Variants in ZSCAN22 observed in about 807,000 individuals in gnomAD.
The protein encoded by ZSCAN22 is zinc finger and SCAN domain-containing protein 22.
Under a neutral mutation model 12.4 loss-of-function variants are expected in ZSCAN22, and 7 were observed. The ratio of observed to expected loss-of-function variants is 0.57; its 90% CI spans 0.32 to 1.06. The LOEUF (loss-of-function observed/expected upper bound fraction) is 1.06, where lower values mean the gene tolerates loss of function less well. Ranked by LOEUF, ZSCAN22 falls within the 50% of genes least tolerant of loss-of-function variation. The pLI, the probability that ZSCAN22 is intolerant of heterozygous loss-of-function variation, is 0.04. For missense variants in ZSCAN22, 576 were observed against 631.7 expected, an observed-to-expected ratio of 0.91 and a Z score of 0.94; for synonymous variants, 243 against 255.9, an observed-to-expected ratio of 0.95 and a Z score of 0.48.
At position 58,338,357 on chromosome 19, in the gene ZSCAN22, C is replaced by T. The variant is rs1353794316; in HGVS notation, c.507C>T (p.Ser169=). 1.9e-6 allele frequency: 3 copies of T among 1,614,116 alleles called. No homozygotes were observed. The highest frequency in any genetic ancestry group is 2.5e-6 in the Non-Finnish European group (3 of 1,180,020). The change falls in exon 3 of 3, where the codon TCC becomes TCT. Residue 169 remains serine (S), a synonymous_variant. Coordinates refer to ENST00000329665, the MANE Select transcript of ZSCAN22 (RefSeq NM_181846.3). The surrounding 1 kb of genome is among the most constrained non-coding windows in gnomAD (Gnocchi z 5.4). ...NVTETLMGGV[S]LGPAFVKACE... ...CTGAGACCCTCATGGGAGGTGTTTCCCTTGGACCCGCCTTTGTCAAGGCAT... is the reference window on the plus strand; with the variant it reads ...CTGAGACCCTCATGGGAGGTGTTTCTCTTGGACCCGCCTTTGTCAAGGCAT...
chr19:58,337,875 C>T (rs1453161056), intron 2 of ZSCAN22, among the ~76,000 whole-genome samples: 1 of 152,258 alleles, frequency 6.6e-6, no homozygotes, highest in African/African-American at 2.4e-5. Context: ...TGCAACCCCA[C>T]AGAGATCAGA....
chr19:58,341,562 G>C lies in ZSCAN22; in HGVS notation c.*2236G>C, dbSNP rs1367092231. 4 of 152,344 alleles carry C rather than the reference G, an allele frequency of 2.6e-5. No homozygotes were observed. The East Asian group carries it at 7.7e-4, about 29-fold the overall frequency. The allele number at this position is 152,344 out of a possible 1,614,324, so 9.4% of individuals were successfully genotyped here. On this transcript the variant is annotated 3_prime_UTR_variant, in exon 3 of 3. Transcript: ENST00000329665. ...AAGAGTAAATAGAGGCACAGAGACTGATGAGAAACGTTCATAACATGAAGG... is the reference window on the plus strand; with the variant it reads ...AAGAGTAAATAGAGGCACAGAGACTCATGAGAAACGTTCATAACATGAAGG...
At position 58,331,864 on chromosome 19, in the gene ZSCAN22, C is replaced by T. The variant is rs1227619268; in HGVS notation, c.-51-2888C>T. Among the ~76,000 whole-genome samples, 3 of 149,826 alleles carry T rather than the reference C, an allele frequency of 2.0e-5. No individual in the cohort carries two copies. The East Asian group carries it at 5.9e-4, about 30-fold the overall frequency. On this transcript the variant is annotated intron_variant, in intron 1 of 2. Transcript: ENST00000329665. ...CTGGCCAACATTATTTTTTTAAAAG[C>T]TGTATTTTTATTTTATTTTATTTTT...
At chr19:58,333,178 C>T (rs1025137129) in intron 1 of ZSCAN22, among the ~76,000 whole-genome samples, 2 of 152,182 alleles carry the variant, frequency 1.3e-5, no homozygotes, top group African/African-American at 4.8e-5. Context: ...AGATACAGGT[C>T]CCTTATCAAA....
In ZSCAN22 at chr19:58,335,203, G is replaced by C; in HGVS notation, c.401G>C (p.Arg134Thr). The C allele has an allele frequency of 6.3e-7, 1 of 1,586,822 alleles. No individual in the cohort carries two copies. The highest frequency in any genetic ancestry group is 8.6e-7 in the Non-Finnish European group (1 of 1,165,328). ...VEDLTQVLDK[R>T]GWDPGAEPTE... ...GATCTGACTCAGGTGCTGGACAAGAGAGGTAAAGGGGCGCCGTGGGCAGCT... is the reference window on the plus strand; with the variant it reads ...GATCTGACTCAGGTGCTGGACAAGACAGGTAAAGGGGCGCCGTGGGCAGCT... The change falls in exon 2 of 3, where the codon AGA becomes ACA. Residue 134 changes from arginine to threonine, a missense_variant and splice_region_variant. Transcript: ENST00000329665. The surrounding 1 kb of genome is among the most constrained non-coding windows in gnomAD (Gnocchi z 4.1).
intron 1 of ZSCAN22, among the ~76,000 whole-genome samples, chr19:58,330,519 C>T (rs951983396): frequency 1.3e-5 from 2 of 152,222 alleles, no homozygotes; most frequent in African/African-American, 4.8e-5. Context: ...CCCTGACCAG[C>T]ATTCAGTGCT....
At position 58,335,327 on chromosome 19, in the gene ZSCAN22, G is replaced by A. The variant is rs544375247; in HGVS notation, c.403+122G>A. 3.9e-5 allele frequency: 50 copies of A among 1,283,196 alleles called. No homozygotes were observed. The South Asian group carries it at 4.2e-4, about 11-fold the overall frequency. The allele number at this position is 1,283,196 out of a possible 1,614,324, so 79.5% of individuals were successfully genotyped here. A position where few individuals can be genotyped will look rare whatever the true frequency, so the allele number is the denominator to read the frequency against. On this transcript the variant is annotated intron_variant, in intron 2 of 2. Coordinates refer to ENST00000329665, the MANE Select transcript of ZSCAN22 (RefSeq NM_181846.3). The surrounding 1 kb of genome is among the most constrained non-coding windows in gnomAD (Gnocchi z 4.1). ...CCCATTCTCACATTTGTACTTTACC[G>A]TAACTCTCACACACTGTTGTAGACA... is the stretch of plus-strand genomic sequence containing the variant.
chr19:58,338,049 C>A lies in ZSCAN22; in HGVS notation c.404-205C>A, dbSNP rs1009335475. 3.3e-5 allele frequency among the ~76,000 whole-genome samples: 5 copies of A among 152,220 alleles called. No individual in the cohort carries two copies. Among genetic ancestry groups the A allele is most frequent in the African/African-American group, 9.6e-5 (4 of 41,464 alleles). ...GGTGGGAGGAGGAGAAATCAGAACC[C>A]ATGGTGTAGTTTTGGATGGTGTGGG... is the stretch of plus-strand genomic sequence containing the variant. On this transcript the variant is annotated intron_variant, in intron 2 of 2. Transcript: ENST00000329665. The surrounding 1 kb of genome is among the most constrained non-coding windows in gnomAD (Gnocchi z 5.4).
In ZSCAN22 at chr19:58,334,775, C is replaced by A; in HGVS notation, c.-28C>A. The A allele has an allele frequency of 6.4e-7, 1 of 1,560,512 alleles. No individual in the cohort carries two copies. Among genetic ancestry groups the A allele is most frequent in the Non-Finnish European group, 8.7e-7 (1 of 1,150,558 alleles). Reference sequence around the variant, plus strand: ...AGGCCCAGTTCCAAGGCTCCGGCATCCTGTGTCTCACTGAGCACTGCTGCC... The same window carrying A: ...AGGCCCAGTTCCAAGGCTCCGGCATACTGTGTCTCACTGAGCACTGCTGCC... On this transcript the variant is annotated 5_prime_UTR_variant, in exon 2 of 3. Transcript: ENST00000329665.
In ZSCAN22 at chr19:58,338,714, G is replaced by C; in HGVS notation, c.864G>C (p.Lys288Asn). 1 of 1,614,226 alleles carries C rather than the reference G, an allele frequency of 6.2e-7. No homozygotes were observed. The highest frequency in any genetic ancestry group is 8.5e-7 in the Non-Finnish European group (1 of 1,180,052). The change falls in exon 3 of 3, where the codon AAG (lysine) becomes AAC (asparagine). Residue 288 changes from lysine to asparagine, a missense_variant. Coordinates refer to ENST00000329665, the MANE Select transcript of ZSCAN22 (RefSeq NM_181846.3). This position sits in a 1 kb window ranked among gnomAD's most constrained non-coding sequence, Gnocchi z 5.4. ...CTTCGGCGCTCGAGGCACACCAGAA[G>C]ACCCATTCTCGGAAGACCCCATATG... ...QSASALEAHQ[K>N]THSRKTPYAC...
Position 58,335,353 on chromosome 19 carries a change from GGT to G in ZSCAN22, c.403+153_403+154del. 1 of 1,144,626 alleles carries G rather than the reference GGT, an allele frequency of 8.7e-7. No individual in the cohort carries two copies. The highest frequency in any genetic ancestry group is 1.2e-6 in the Non-Finnish European group (1 of 842,370). The allele number at this position is 1,144,626 out of a possible 1,614,324, so 70.9% of individuals were successfully genotyped here. Reference sequence around the variant, plus strand: ...TAACTCTCACACACTGTTGTAGACAGGTGTGTTTTGGTTGCAGGTGACCAAAA... The same window carrying G: ...TAACTCTCACACACTGTTGTAGACAGGTGTTTTGGTTGCAGGTGACCAAAA... On this transcript the variant is annotated intron_variant, in intron 2 of 2. Coordinates refer to ENST00000329665, the MANE Select transcript of ZSCAN22 (RefSeq NM_181846.3). The surrounding 1 kb of genome is among the most constrained non-coding windows in gnomAD (Gnocchi z 4.1).
At chr19:58,337,147 T>C (rs552180215) in intron 2 of ZSCAN22, among the ~76,000 whole-genome samples, 5 of 152,340 alleles carry the variant, frequency 3.3e-5, no homozygotes, top group African/African-American at 1.2e-4. Flanking sequence ...AGAGGCCAGA[T>C]GGGTACCTCA....
chr19:58,328,781 C>A (rs1392864546), intron 1 of ZSCAN22, among the ~76,000 whole-genome samples: 1 of 152,178 alleles, frequency 6.6e-6, no homozygotes, highest in Non-Finnish European at 1.5e-5. Context: ...CTATTGTCAT[C>A]CCTGCCACCC....
rs994555299 is a variant in ZSCAN22 at position 58,329,672 on chromosome 19, T to C, written c.-52+2558T>C. Among the ~76,000 whole-genome samples, 2 of 152,252 alleles carry C rather than the reference T, an allele frequency of 1.3e-5. No individual in the cohort carries two copies. The highest frequency in any genetic ancestry group is 4.8e-5 in the African/African-American group (2 of 41,458). ...GAGAGAAAGACCACATTAATATAGC[T>C]TTTATTACAGTGTATTGTTATAATT... On this transcript the variant is annotated intron_variant, in intron 1 of 2. Coordinates refer to ENST00000329665, the MANE Select transcript of ZSCAN22 (RefSeq NM_181846.3). This position sits in a 1 kb window ranked among gnomAD's most constrained non-coding sequence, Gnocchi z 4.1.
chr19:58,335,336 A>C lies in ZSCAN22; in HGVS notation c.403+131A>C. 1.6e-4 allele frequency: 204 copies of C among 1,237,992 alleles called. No individual in the cohort carries two copies. The highest frequency in any genetic ancestry group is 2.1e-4 in the Middle Eastern group (1 of 4,790). The allele number at this position is 1,237,992 out of a possible 1,614,324, so 76.7% of individuals were successfully genotyped here. ...ACATTTGTACTTTACCGTAACTCTC[A>C]CACACTGTTGTAGACAGGTGTGTTT... On this transcript the variant is annotated intron_variant, in intron 2 of 2. Transcript: ENST00000329665. This position sits in a 1 kb window ranked among gnomAD's most constrained non-coding sequence, Gnocchi z 4.1.
chr19:58,334,340 A>G (rs1195915727), intron 1 of ZSCAN22, among the ~76,000 whole-genome samples: 1 of 152,150 alleles, frequency 6.6e-6, no homozygotes, highest in African/African-American at 2.4e-5. Context: ...GTTTTGAGAC[A>G]GAGTCTTGTT....
chr19:58,330,521 T>G (rs2051710835), intron 1 of ZSCAN22, among the ~76,000 whole-genome samples: 1 of 152,220 alleles, frequency 6.6e-6, no homozygotes, highest in Admixed American at 6.5e-5. Context: ...CTGACCAGCA[T>G]TCAGTGCTCA....
rs1303523096 is a variant in ZSCAN22, at chr19:58,340,241, G to A, written c.*915G>A. 4 of 152,206 alleles carry A rather than the reference G, an allele frequency of 2.6e-5. No individual in the cohort carries two copies. The East Asian group carries it at 7.7e-4, about 29-fold the overall frequency. The allele number at this position is 152,206 out of a possible 1,614,324, so 9.4% of individuals were successfully genotyped here. Reference sequence around the variant, plus strand: ...CCTGAACAGGGTATAAGTATGCTGAGATGCAGGCTGCTCTGGGCCCCGAGC... The same window carrying A: ...CCTGAACAGGGTATAAGTATGCTGAAATGCAGGCTGCTCTGGGCCCCGAGC... On this transcript the variant is annotated 3_prime_UTR_variant, in exon 3 of 3. Coordinates refer to ENST00000329665, the MANE Select transcript of ZSCAN22 (RefSeq NM_181846.3).
chr19:58,332,162 C>T lies in ZSCAN22; in HGVS notation c.-51-2590C>T, dbSNP rs530889483. Among the ~76,000 whole-genome samples, 143 of 151,306 alleles carry T rather than the reference C, an allele frequency of 9.5e-4. 2 individuals are homozygous for T. The South Asian group carries it at 0.027, about 29-fold the overall frequency. On this transcript the variant is annotated intron_variant, in intron 1 of 2. Transcript: ENST00000329665. ...CTGGGATTACAGGCGTGAGCCACCGCGCCTGGCCTCCAGAACATTTTTATC... is the reference window on the plus strand; with the variant it reads ...CTGGGATTACAGGCGTGAGCCACCGTGCCTGGCCTCCAGAACATTTTTATC...
Sources: allele counts gnomAD v4.1 joint callset (sites outside exome capture counted in the v4.1 genomes callset), GRCh38; gene constraint gnomAD v4.1.1; non-coding constraint Gnocchi (gnomAD v3.1); transcripts MANE v1.5; gene names NCBI Gene and HGNC (gene_info 2026-07-23, HGNC 2026-07-21).